The following NELL1 variants were observed in gnomAD, a reference collection of about 807,000 sequenced individuals.
NELL1 encodes protein kinase C-binding protein NELL1.
Under a neutral mutation model 107.4 loss-of-function variants are expected in NELL1, and 76 were observed. The observed-to-expected ratio is 0.71, with a 90% CI of 0.59 to 0.86. NELL1 has a LOEUF of 0.86. NELL1 is among the 40% of genes least tolerant of loss of function. The pLI, the probability that NELL1 is intolerant of heterozygous loss-of-function variation, is 0.00. For synonymous variants in NELL1, 353 were observed against 341.2 expected, an observed-to-expected ratio of 1.03 and a Z score of -0.38; for missense variants, 1,024 against 1,005.5, an observed-to-expected ratio of 1.02 and a Z score of -0.25.
chr11:21,554,455 GA>G lies in NELL1; in HGVS notation c.1787-5731del, dbSNP rs141692180. The stretch of plus-strand genomic sequence containing the variant: ...TCATGTGAGAATCAGAATTCACGTG[GA>G]AATCCTTGGCAAATCGATGAATGTG... On this transcript the variant is annotated intron_variant, in intron 16 of 19. Coordinates refer to ENST00000357134, the MANE Select transcript of NELL1 (RefSeq NM_006157.5). 4.6e-5 allele frequency among the ~76,000 whole-genome samples: 7 copies of G among 151,902 alleles called. No homozygotes were observed. In the East Asian group the frequency reaches 1.4e-3, roughly 30 times the overall value.
At chr11:21,015,458 G>C (rs989634947) in intron 12 of NELL1, among the ~76,000 whole-genome samples, 5 of 152,092 alleles carry the variant, frequency 3.3e-5, no homozygotes. Flanking sequence ...GCCTGTCCAG[G>C]TGGTGTTGGC....
At chr11:20,717,140 T>G (rs1315676882) in intron 2 of NELL1, among the ~76,000 whole-genome samples, 1 of 152,204 alleles carries the variant, frequency 6.6e-6, no homozygotes, top group Non-Finnish European at 1.5e-5. Flanking sequence ...GGCACATACC[T>G]TACCACAGAA....
intron 13 of NELL1, among the ~76,000 whole-genome samples, chr11:21,199,284 A>G (rs1213753218): frequency 1.3e-5 from 2 of 152,170 alleles, no homozygotes; most frequent in Non-Finnish European, 2.9e-5. Flanking sequence ...TCTGTTAGCA[A>G]CAAAGAGGAA....
At chr11:21,188,311 A>G (rs1856975752) in intron 13 of NELL1, among the ~76,000 whole-genome samples, 1 of 151,764 alleles carries the variant, frequency 6.6e-6, no homozygotes. Context: ...ATTTAGGCTG[A>G]CATTTGAGGG....
chr11:21,476,314 C>G (rs1249385115), intron 15 of NELL1, among the ~76,000 whole-genome samples: 1 of 152,050 alleles, frequency 6.6e-6, no homozygotes, highest in East Asian at 1.9e-4. Flanking sequence ...TCTTCATTAC[C>G]AGAAAGATGA....
chr11:21,238,608 T>C (rs1410819479), intron 14 of NELL1, among the ~76,000 whole-genome samples: 1 of 151,934 alleles, frequency 6.6e-6, no homozygotes, highest in African/African-American at 2.4e-5. Flanking sequence ...AGGGAAGTAG[T>C]CTTGAAATGA....
intron 12 of NELL1, among the ~76,000 whole-genome samples, chr11:20,979,495 G>A (rs1851706696): frequency 6.6e-6 from 1 of 152,048 alleles, no homozygotes; most frequent in Non-Finnish European, 1.5e-5. Context: ...AATAATCTTT[G>A]CTCTGAAATA....
intron 4 of NELL1, among the ~76,000 whole-genome samples, chr11:20,871,479 TATCTATCTA>T (rs1388152781): frequency 6.6e-6 from 1 of 152,250 alleles, no homozygotes; most frequent in Non-Finnish European, 1.5e-5. Flanking sequence ...TCTATGTATC[TATCTATCTA>T]ATCTATCTAA....
At chr11:20,687,596 A>T (rs1243844429) in intron 2 of NELL1, among the ~76,000 whole-genome samples, 5 of 146,662 alleles carry the variant, frequency 3.4e-5, no homozygotes, top group African/African-American at 1.0e-4. Context: ...ACTAAACTAA[A>T]TTTTTTTTTT....
intron 3 of NELL1, among the ~76,000 whole-genome samples, chr11:20,800,832 A>G (rs1426577758): frequency 1.3e-5 from 2 of 152,178 alleles, no homozygotes; most frequent in Non-Finnish European, 2.9e-5. Flanking sequence ...TGAGAGTGAT[A>G]GGCATCCTGT....
intron 14 of NELL1, among the ~76,000 whole-genome samples, chr11:21,280,195 A>T (rs1005861258): frequency 6.6e-6 from 1 of 152,206 alleles, no homozygotes; most frequent in African/African-American, 2.4e-5. Context: ...GTGAAACCTA[A>T]TGTAAACTAT....
intron 2 of NELL1, among the ~76,000 whole-genome samples, chr11:20,781,119 T>C (rs575414600): frequency 6.6e-6 from 1 of 152,272 alleles, no homozygotes; most frequent in East Asian, 1.9e-4. Context: ...GCAATGATAG[T>C]GGCTTGGGCA....
intron 12 of NELL1, among the ~76,000 whole-genome samples, chr11:21,007,200 CTTA>C (rs1189158674): frequency 6.6e-6 from 1 of 152,102 alleles, no homozygotes; most frequent in Non-Finnish European, 1.5e-5. Context: ...CCCTTATCCT[CTTA>C]TTGTCTGGTT....
intron 15 of NELL1, among the ~76,000 whole-genome samples, chr11:21,527,207 A>C (rs1285717389): frequency 6.6e-6 from 1 of 152,138 alleles, no homozygotes. Context: ...CCTTTAATCC[A>C]GTTCCCAAAA....
intron 2 of NELL1, among the ~76,000 whole-genome samples, chr11:20,685,734 C>T (rs7481267): frequency 0.44 from 66,852 of 151,886 alleles, 16,277 homozygotes; most frequent in Middle Eastern, 0.61. Flanking sequence ...CTTTTTTTCC[C>T]TCATGTGTAT....
chr11:21,487,777 A>G (rs1854676153), intron 15 of NELL1, among the ~76,000 whole-genome samples: 1 of 152,144 alleles, frequency 6.6e-6, no homozygotes, highest in Non-Finnish European at 1.5e-5. Context: ...TATGCTACCT[A>G]TTAGAAATGC....
intron 16 of NELL1, among the ~76,000 whole-genome samples, chr11:21,538,548 A>G (rs7927068): frequency 0.5 from 76,291 of 151,852 alleles, 19,866 homozygotes; most frequent in Non-Finnish European, 0.57. Context: ...TATCTTTATA[A>G]TGCCAGGAGA....
intron 15 of NELL1, among the ~76,000 whole-genome samples, chr11:21,401,049 G>A (rs1401547038): frequency 2.0e-5 from 3 of 151,844 alleles, no homozygotes; most frequent in Non-Finnish European, 4.4e-5. Context: ...AAAGAATGTG[G>A]CAAAGAGAAG....
chr11:20,898,742 A>G (rs1202335705), intron 5 of NELL1, among the ~76,000 whole-genome samples: 2 of 151,858 alleles, frequency 1.3e-5, no homozygotes, highest in African/African-American at 2.4e-5. Context: ...TACCATTTGT[A>G]TATATCACAT....
Sources: gnomAD v4.1 joint callset for allele counts (sites outside exome capture counted in the v4.1 genomes callset) on GRCh38, gnomAD v4.1.1 for gene constraint, MANE v1.5 for transcripts, NCBI Gene and HGNC (gene_info 2026-07-23, HGNC 2026-07-21) for gene names.